APELA: variants seen among roughly 807,000 people sequenced by gnomAD.
APELA encodes the protein apelin receptor early endogenous ligand, also known as protein Elabela.
At chr4:164,881,970 G>A (rs892992863) in intron 2 of APELA, among the ~76,000 whole-genome samples, 2 of 151,958 alleles carry the variant, frequency 1.3e-5, no homozygotes, top group Non-Finnish European at 2.9e-5. Flanking sequence ...TTTGAGCCCA[G>A]GAGTTTGAGG....
chr4:164,879,656 G>T (rs570798949), intron 2 of APELA, among the ~76,000 whole-genome samples: 7 of 152,278 alleles, frequency 4.6e-5, no homozygotes, highest in Admixed American at 3.9e-4. Context: ...TTTTGCGCAG[G>T]CTGGTCTCGA....
chr4:164,890,686 A>C (rs1033927838), intron 2 of APELA, among the ~76,000 whole-genome samples: 3 of 152,228 alleles, frequency 2.0e-5, no homozygotes, highest in Non-Finnish European at 4.4e-5. Flanking sequence ...GGCTAATATG[A>C]ATCATTCTGC....
chr4:164,894,886 G>T (rs1730944519), intron 2 of APELA, among the ~76,000 whole-genome samples: 1 of 152,286 alleles, frequency 6.6e-6, no homozygotes, highest in East Asian at 1.9e-4. Flanking sequence ...TCCAGAAGAG[G>T]TATCTCTATA....
At chr4:164,877,550 A>T (rs1730577474) in intron 1 of APELA, 143 bp downstream of exon 1, 2 of 396,210 alleles carry the variant, frequency 5.0e-6, no homozygotes, top group Non-Finnish European at 8.9e-6. Flanking sequence ...GGATTTTGAA[A>T]GTATGCTATC....
chr4:164,878,135 GA>G (rs75632850), intron 1 of APELA, among the ~76,000 whole-genome samples: 43 of 112,246 alleles, frequency 3.8e-4, no homozygotes, highest in Admixed American at 6.5e-4. Context: ...CAGTAAGTTT[GA>G]AAAAAAAAAG....
rs1730997904 is a variant in APELA, at chr4:164,897,373, A to G, written c.*1959A>G. On this transcript the variant is annotated 3_prime_UTR_variant, in exon 3 of 3. Transcript: ENST00000507152. ...TTTGTACTGAAAAAGAAAACACTTTATAGTCAAGATACATCTCATTCAATA... is the reference window on the plus strand; with the variant it reads ...TTTGTACTGAAAAAGAAAACACTTTGTAGTCAAGATACATCTCATTCAATA... 6.6e-6 allele frequency: 1 copy of G among 152,248 alleles called. No individual in the cohort carries two copies. The highest frequency in any genetic ancestry group is 1.5e-5 in the Non-Finnish European group (1 of 68,048). 9.4% of individuals were successfully genotyped at this position (152,248 alleles called of 1,614,324 possible).
In APELA at chr4:164,897,271, T is replaced by G. The variant is rs1439322067; in HGVS notation, c.*1857T>G. On this transcript the variant is annotated 3_prime_UTR_variant, in exon 3 of 3. Transcript: ENST00000507152. ...GTGTCTTTGCGGATGAATGGTACTT[T>G]CCACAAGTGCATTTGAGTAGAAGCA... is the stretch of plus-strand genomic sequence containing the variant. The G allele has an allele frequency of 6.6e-6, 1 of 152,212 alleles. No homozygotes were observed. The highest frequency in any genetic ancestry group is 1.5e-5 in the Non-Finnish European group (1 of 68,036). 9.4% of individuals were successfully genotyped at this position (152,212 alleles called of 1,614,324 possible).
chr4:164,892,899 T>C (rs1730909664), intron 2 of APELA, among the ~76,000 whole-genome samples: 1 of 152,172 alleles, frequency 6.6e-6, no homozygotes, highest in African/African-American at 2.4e-5. Flanking sequence ...ACACAGTTGT[T>C]TATACTATTT....
intron 2 of APELA, among the ~76,000 whole-genome samples, chr4:164,889,351 CAT>C (rs1730837500): frequency 6.6e-6 from 1 of 151,902 alleles, no homozygotes; most frequent in Admixed American, 6.6e-5. Flanking sequence ...ATAAATATGA[CAT>C]ATATACACAT....
At chr4:164,884,822 G>A (rs1730737119) in intron 2 of APELA, among the ~76,000 whole-genome samples, 1 of 152,148 alleles carries the variant, frequency 6.6e-6, no homozygotes, top group Non-Finnish European at 1.5e-5. Context: ...CCTCTTAACT[G>A]TTCTTCAAGC....
At chr4:164,885,515 C>T (rs1169645258) in intron 2 of APELA, among the ~76,000 whole-genome samples, 3 of 151,792 alleles carry the variant, frequency 2.0e-5, no homozygotes, top group African/African-American at 4.8e-5. Flanking sequence ...TCAAGGTGGG[C>T]AGATCGCTTG....
At chr4:164,892,636 G>A (rs922548510) in intron 2 of APELA, among the ~76,000 whole-genome samples, 7 of 152,100 alleles carry the variant, frequency 4.6e-5, no homozygotes, top group African/African-American at 1.2e-4. Context: ...ATAAAATGAC[G>A]TGGGAAGTGT....
At chr4:164,888,675 T>C (rs1247600038) in intron 2 of APELA, among the ~76,000 whole-genome samples, 1 of 152,224 alleles carries the variant, frequency 6.6e-6, no homozygotes, top group East Asian at 1.9e-4. Flanking sequence ...GCTCAACGAC[T>C]GTTTACCTTG....
At position 164,890,591 on chromosome 4, in the gene APELA, CTG is replaced by C. The variant is rs566166993; in HGVS notation, c.*2-4824_*2-4823del. 6.2e-4 allele frequency among the ~76,000 whole-genome samples: 95 copies of C among 152,306 alleles called. 1 individual carries two copies. The highest frequency in any genetic ancestry group is 2.1e-3 in the African/African-American group (86 of 41,578). On this transcript the variant is annotated intron_variant, in intron 2 of 2. Transcript: ENST00000507152. ...ATCAGTACTCCACTCTAATTTACGA[CTG>C]AATACAATTCCATGATATGGAAAAA...
At chr4:164,879,659 G>A (rs1000036066) in intron 2 of APELA, among the ~76,000 whole-genome samples, 1 of 152,144 alleles carries the variant, frequency 6.6e-6, no homozygotes, top group South Asian at 2.1e-4. Flanking sequence ...TGCGCAGGCT[G>A]GTCTCGAACT....
chr4:164,878,953 A>G lies in APELA; in HGVS notation c.110A>G (p.His37Arg), dbSNP rs1730606630. 2.5e-6 allele frequency: 1 copy of G among 398,900 alleles called. No individual in the cohort carries two copies. 24.7% of individuals were successfully genotyped at this position (398,900 alleles called of 1,614,324 possible). ...ACCATGAGAAGAAAACTGCGCAAACACAATTGCCTTCAGAGGAGATGTATG... is the reference window on the plus strand; with the variant it reads ...ACCATGAGAAGAAAACTGCGCAAACGCAATTGCCTTCAGAGGAGATGTATG... ...NLTMRRKLRKHNCLQRRCMPL... is the reference protein window; with the variant it reads ...NLTMRRKLRKRNCLQRRCMPL... The change falls in exon 2 of 3, where the codon CAC becomes CGC. Residue 37 changes from histidine to arginine, a missense_variant. Coordinates refer to ENST00000507152, the MANE Select transcript of APELA (RefSeq NM_001297550.2).
At chr4:164,878,497 C>G (rs963285385) in intron 1 of APELA, among the ~76,000 whole-genome samples, 5 of 152,222 alleles carry the variant, frequency 3.3e-5, no homozygotes, top group African/African-American at 1.2e-4. Context: ...GCAGCTTGAT[C>G]CCTTCTCATT....
In APELA at chr4:164,877,358, A is replaced by G; in HGVS notation, c.27A>G (p.Ala9=). The change falls in exon 1 of 3, where the codon GCA becomes GCG. Residue 9 remains alanine, a synonymous_variant. Coordinates refer to ENST00000507152, the MANE Select transcript of APELA (RefSeq NM_001297550.2). ...TGAGATTTCAGCAATTCCTTTTTGC[A>G]TTTTTTATTTTTATTATGAGTCTTC... MRFQQFLF[A]FFIFIMSLLL... 5.0e-6 allele frequency: 2 copies of G among 398,970 alleles called. No individual in the cohort carries two copies. The highest frequency in any genetic ancestry group is 8.8e-6 in the Non-Finnish European group (2 of 226,038). 24.7% of individuals were successfully genotyped at this position (398,970 alleles called of 1,614,324 possible). A position where few individuals can be genotyped will look rare whatever the true frequency, so the allele number is the denominator to read the frequency against.
At chr4:164,891,637 T>C (rs1303183350) in intron 2 of APELA, among the ~76,000 whole-genome samples, 3 of 152,242 alleles carry the variant, frequency 2.0e-5, no homozygotes, top group East Asian at 1.9e-4. Flanking sequence ...ATTGATCTTA[T>C]ATCCTGAAAT....
Sources: gnomAD v4.1 joint callset for allele counts (sites outside exome capture counted in the v4.1 genomes callset) on GRCh38, gnomAD v4.1.1 for gene constraint, MANE v1.5 for transcripts, NCBI Gene and HGNC (gene_info 2026-07-23, HGNC 2026-07-21) for gene names.